The following PTPRD variants were observed in gnomAD, a reference collection of about 807,000 sequenced individuals.
PTPRD encodes the protein protein tyrosine phosphatase receptor type D, also known as receptor-type tyrosine-protein phosphatase delta.
A neutral mutation model predicts 214.5 loss-of-function variants in PTPRD; 34 were observed. The observed-to-expected ratio is 0.16, with a 90% CI of 0.12 to 0.21. PTPRD has a LOEUF of 0.21. Ranked by LOEUF, PTPRD falls within the 10% of genes least tolerant of loss-of-function variation. PTPRD has a pLI of 1.00. For missense variants in PTPRD, 2,545 were observed against 2,398.7 expected (o/e 1.06, Z -1.27); for synonymous variants, 1,128 against 845.7 (o/e 1.33, Z -5.79).
At chr9:9,882,738 C>A (rs919666182) in intron 5 of PTPRD, among the ~76,000 whole-genome samples, 1 of 151,520 alleles carries the variant, frequency 6.6e-6, no homozygotes, top group Admixed American at 6.6e-5. Context: ...CCCCCCTATA[C>A]ACCCCCAGAC....
intron 3 of PTPRD, among the ~76,000 whole-genome samples, chr9:10,339,364 T>C (rs1047961882): frequency 6.6e-6 from 1 of 151,782 alleles, no homozygotes; most frequent in African/African-American, 2.4e-5. Context: ...CCTGTTTGTT[T>C]TGCTCTTCAA....
intron 11 of PTPRD, among the ~76,000 whole-genome samples, chr9:8,848,313 C>CTCTTTTTTTT (rs1338928285): frequency 8.3e-5 from 11 of 132,666 alleles, no homozygotes; most frequent in African/African-American, 3.1e-4. Context: ...AAGATTTTTC[C>CTCTTTTTTTT]TTTTTTTTTT....
chr9:8,497,551 C>G (rs2097303882), intron 25 of PTPRD, among the ~76,000 whole-genome samples: 1 of 152,148 alleles, frequency 6.6e-6, no homozygotes. Context: ...GTTAATGTTT[C>G]TAATCATATC....
rs893013202 is a variant in PTPRD, at chr9:8,675,112, C to T, written c.65-38268G>A. ...GATAGCATTAAGTGGATGTCGCATA[C>T]ACTTGGGACATATGGGAAGCCTCAT... On this transcript the variant is annotated intron_variant, in intron 12 of 45. Transcript: ENST00000381196. Among the ~76,000 whole-genome samples, 6 of 152,050 alleles carry T rather than the reference C, an allele frequency of 3.9e-5. No homozygotes were observed. In the South Asian group the frequency reaches 1.0e-3, roughly 26 times the overall value.
intron 35 of PTPRD, among the ~76,000 whole-genome samples, chr9:8,419,961 A>T (rs2094239462): frequency 6.6e-6 from 1 of 152,186 alleles, no homozygotes; most frequent in Non-Finnish European, 1.5e-5. Context: ...TTGCTAAGAC[A>T]CTAACTGCCC....
intron 10 of PTPRD, among the ~76,000 whole-genome samples, chr9:9,148,178 G>C (rs2099871845): frequency 6.6e-6 from 1 of 151,782 alleles, no homozygotes; most frequent in Non-Finnish European, 1.5e-5. Context: ...GTTTTTGCTA[G>C]AGAAAAAAAA....
intron 14 of PTPRD, among the ~76,000 whole-genome samples, chr9:8,572,784 T>A (rs1340220137): frequency 1.3e-5 from 2 of 152,022 alleles, no homozygotes; most frequent in Admixed American, 1.3e-4. Flanking sequence ...CTTACCATAT[T>A]TTGCATATTA....
intron 5 of PTPRD, among the ~76,000 whole-genome samples, chr9:9,779,099 A>AAAAAAAAAAAAAAAAAAG: frequency 6.7e-6 from 1 of 148,744 alleles, no homozygotes; most frequent in African/African-American, 2.5e-5. Context: ...AAAAAAAAAA[A>AAAAAAAAAAAAAAAAAAG]AAAAAGCAAT....
chr9:9,226,631 A>G (rs2099959658), intron 9 of PTPRD, among the ~76,000 whole-genome samples: 1 of 152,052 alleles, frequency 6.6e-6, no homozygotes, highest in Non-Finnish European at 1.5e-5. Context: ...TGGAGTAATG[A>G]GATCTTGGAT....
chr9:10,164,260 T>G (rs1375809146), intron 3 of PTPRD, among the ~76,000 whole-genome samples: 1 of 151,610 alleles, frequency 6.6e-6, no homozygotes, highest in East Asian at 1.9e-4. Flanking sequence ...TCAAGTTAAA[T>G]GGCTTCTAGA....
intron 36 of PTPRD, among the ~76,000 whole-genome samples, chr9:8,396,259 C>T (rs879269220): frequency 9.9e-5 from 15 of 152,062 alleles, no homozygotes; most frequent in African/African-American, 2.7e-4. Context: ...TTATGATTGA[C>T]GTAAAAATGG....
intron 5 of PTPRD, among the ~76,000 whole-genome samples, chr9:9,812,398 A>C (rs2047421311): frequency 6.6e-6 from 1 of 152,206 alleles, no homozygotes; most frequent in Non-Finnish European, 1.5e-5. Flanking sequence ...GATTTGAAAA[A>C]AAAAAAGTTG....
intron 3 of PTPRD, among the ~76,000 whole-genome samples, chr9:10,225,532 A>G (rs927801863): frequency 6.6e-6 from 1 of 152,056 alleles, no homozygotes; most frequent in Admixed American, 6.6e-5. Flanking sequence ...ACAATGGATC[A>G]TGAGAAAATG....
intron 2 of PTPRD, among the ~76,000 whole-genome samples, chr9:10,412,696 G>C (rs1038922125): frequency 6.6e-6 from 1 of 150,502 alleles, no homozygotes; most frequent in Non-Finnish European, 1.5e-5. Context: ...GATGAACATT[G>C]ATGCGAAAAC....
intron 14 of PTPRD, among the ~76,000 whole-genome samples, chr9:8,538,385 G>A (rs1471774245): frequency 1.3e-5 from 2 of 151,806 alleles, no homozygotes; most frequent in Admixed American, 6.6e-5. Flanking sequence ...TTTGGATCCT[G>A]CATCCATTAT....
chr9:10,229,904 C>A (rs1460643628), intron 3 of PTPRD, among the ~76,000 whole-genome samples: 1 of 151,658 alleles, frequency 6.6e-6, no homozygotes, highest in African/African-American at 2.4e-5. Flanking sequence ...GACAAAGATC[C>A]TTTTTAATTC....
chr9:10,256,515 T>A lies in PTPRD; in HGVS notation c.-545+84448A>T, dbSNP rs115934704. On this transcript the variant is annotated intron_variant, in intron 3 of 45. Coordinates refer to ENST00000381196, the MANE Select transcript of PTPRD (RefSeq NM_002839.4). Reference sequence around the variant, plus strand: ...TCTTATGGGACCATTGGGGTATATGTGGTCCATCACTGAGTGAAACGTCAT... The same window carrying A: ...TCTTATGGGACCATTGGGGTATATGAGGTCCATCACTGAGTGAAACGTCAT... 7.8e-3 allele frequency among the ~76,000 whole-genome samples: 1,193 copies of A among 152,254 alleles called. 16 individuals carry two copies. The highest frequency in any genetic ancestry group is 0.027 in the African/African-American group (1,124 of 41,544).
intron 7 of PTPRD, among the ~76,000 whole-genome samples, chr9:9,636,812 G>A (rs1397895068): frequency 2.0e-5 from 3 of 152,132 alleles, no homozygotes; most frequent in Non-Finnish European, 4.4e-5. Flanking sequence ...TCAAATATGA[G>A]GTAAATTATA....
chr9:10,222,236 T>G (rs964046799), intron 3 of PTPRD, among the ~76,000 whole-genome samples: 1 of 152,116 alleles, frequency 6.6e-6, no homozygotes, highest in African/African-American at 2.4e-5. Flanking sequence ...TGAGAGTTCA[T>G]ATTTCATGCA....
Sources: allele counts gnomAD v4.1 joint callset (sites outside exome capture counted in the v4.1 genomes callset), GRCh38; gene constraint gnomAD v4.1.1; transcripts MANE v1.5; gene names NCBI Gene and HGNC (gene_info 2026-07-23, HGNC 2026-07-21).